ZNF547: variants seen among roughly 807,000 people sequenced by gnomAD.
ZNF547 encodes the protein zinc finger protein 547.
Under a neutral mutation model 7.7 loss-of-function variants are expected in ZNF547, and 4 were observed. The ratio of observed to expected loss-of-function variants is 0.52; its 90% CI spans 0.26 to 1.20. The LOEUF (loss-of-function observed/expected upper bound fraction) is 1.20. ZNF547 is among the 50% of genes most tolerant of loss of function. The pLI is 0.14. For synonymous variants in ZNF547, 166 were observed against 166.2 expected (o/e 1.00, Z 0.01); for missense variants, 449 against 485.8 (o/e 0.92, Z 0.71).
intron 2 of ZNF547, among the ~76,000 whole-genome samples, chr19:57,369,396 G>C (rs1239807638): frequency 6.6e-6 from 1 of 152,180 alleles, no homozygotes; most frequent in Non-Finnish European, 1.5e-5. Context: ...AATTTTCAGA[G>C]TGAGTGTGAG....
chr19:57,375,382 G>A (rs563398333), intron 3 of ZNF547, among the ~76,000 whole-genome samples: 336 of 151,130 alleles, frequency 2.2e-3, no homozygotes, highest in Middle Eastern at 3.4e-3. Flanking sequence ...CAGGCTTGGT[G>A]GCCCACTCCG....
chr19:57,364,769 C>A (rs1007857454), intron 1 of ZNF547: 1 of 1,382,184 alleles, frequency 7.2e-7, no homozygotes, highest in African/African-American at 1.4e-5. Flanking sequence ...CGGGTCTCTT[C>A]CGCGGAAACT....
rs61547238 is a variant in ZNF547, at chr19:57,369,899, C to CTTTTTTTTTTTTTTTTT, written c.24+1328_24+1344dup. ...AAAGAAGTTTAATTGACTCACAGTT[C>CTTTTTTTTTTTTTTTTT]TTTTTTTTTTTTTTTTTTTTTTTTG... On this transcript the variant is annotated intron_variant, in intron 2 of 3. Coordinates refer to ENST00000282282, the MANE Select transcript of ZNF547 (RefSeq NM_173631.4). 2.7e-3 allele frequency among the ~76,000 whole-genome samples: 140 copies of CTTTTTTTTTTTTTTTTT among 51,672 alleles called. 49 individuals carry two copies. Among genetic ancestry groups the CTTTTTTTTTTTTTTTTT allele is most frequent in the Non-Finnish European group, 3.4e-3 (102 of 29,900 alleles). 33.9% of individuals were successfully genotyped at this position (51,672 alleles called of 152,430 possible).
At chr19:57,365,509 CT>C (rs770884068) in intron 1 of ZNF547, among the ~76,000 whole-genome samples, 331 of 139,754 alleles carry the variant, frequency 2.4e-3, no homozygotes, top group East Asian at 8.5e-3. Flanking sequence ...TAATTTCTTT[CT>C]TTTTTTTTTT....
Position 57,365,317 on chromosome 19 carries a change from A to C in ZNF547, c.-13+1614A>C, listed in dbSNP as rs1043331. On this transcript the variant is annotated intron_variant, in intron 1 of 3. Transcript: ENST00000282282. Reference sequence around the variant, plus strand: ...ATGGTGTATACTCAGGAATGTGTACATTGTAAATTACTTGATTAAATAGCC... The same window carrying C: ...ATGGTGTATACTCAGGAATGTGTACCTTGTAAATTACTTGATTAAATAGCC... 11,651 of 1,126,640 alleles carry C rather than the reference A, an allele frequency of 0.01. 775 individuals are homozygous for C. The African/African-American group carries it at 0.15, about 15-fold the overall frequency. The allele number at this position is 1,126,640 out of a possible 1,614,324, so 69.8% of individuals were successfully genotyped here. A position where few individuals can be genotyped will look rare whatever the true frequency, so the allele number is the denominator to read the frequency against.
chr19:57,364,675 A>G, intron 1 of ZNF547: 1 of 650,128 alleles, frequency 1.5e-6, no homozygotes, highest in Non-Finnish European at 2.7e-6. Context: ...CAGGAGGTGG[A>G]GATTGCAGTG....
At chr19:57,376,764 A>G (rs545478632) in intron 3 of ZNF547, among the ~76,000 whole-genome samples, 1 of 152,188 alleles carries the variant, frequency 6.6e-6, no homozygotes, top group African/African-American at 2.4e-5. Context: ...CAGACCCCCA[A>G]TAAAATGTAT....
intron 2 of ZNF547, among the ~76,000 whole-genome samples, chr19:57,370,789 C>T (rs149829460): frequency 4.6e-3 from 697 of 152,188 alleles, no homozygotes; most frequent in Non-Finnish European, 7.7e-3. Flanking sequence ...GTGCTGGACA[C>T]GGTGGCCAAT....
intron 1 of ZNF547, among the ~76,000 whole-genome samples, chr19:57,366,816 C>T (rs2088473756): frequency 6.6e-6 from 1 of 152,188 alleles, no homozygotes; most frequent in Non-Finnish European, 1.5e-5. Context: ...AATGTCATAG[C>T]ACATACGTGG....
intron 2 of ZNF547, among the ~76,000 whole-genome samples, chr19:57,370,557 T>G (rs2088498430): frequency 6.6e-6 from 1 of 152,084 alleles, no homozygotes; most frequent in African/African-American, 2.4e-5. Context: ...GAGATGGGAT[T>G]GGAGTGCTGT....
intron 2 of ZNF547, chr19:57,371,161 A>C (rs1246797386): frequency 6.6e-6 from 1 of 152,370 alleles, no homozygotes; most frequent in African/African-American, 2.4e-5. Flanking sequence ...TGTGTTGGCC[A>C]GGCTGGTCTT....
chr19:57,377,592 C>T lies in ZNF547; in HGVS notation c.616C>T (p.His206Tyr). The T allele has an allele frequency of 6.2e-7, 1 of 1,614,244 alleles. No homozygotes were observed. The change falls in exon 4 of 4, where the codon CAC becomes TAC. Residue 206 changes from histidine (H) to tyrosine (Y), a missense_variant. Physicochemically the swap from His to Tyr is moderately conservative, Grantham distance 83 (BLOSUM62 2). Coordinates refer to ENST00000282282, the MANE Select transcript of ZNF547 (RefSeq NM_173631.4). ...RSTLNRHQRT[H>Y]TGERPYECNE... ...CACACTCAATAGACATCAGAGAACT[C>T]ACACTGGAGAAAGGCCTTATGAGTG... is the stretch of plus-strand genomic sequence containing the variant.
At position 57,378,273 on chromosome 19, in the gene ZNF547, CTG is replaced by C. The variant is rs1327689079; in HGVS notation, c.*89_*90del. 9 of 1,234,012 alleles carry C rather than the reference CTG, an allele frequency of 7.3e-6. No individual in the cohort carries two copies. Among genetic ancestry groups the C allele is most frequent in the Non-Finnish European group, 1.0e-5 (9 of 872,510 alleles). The allele number at this position is 1,234,012 out of a possible 1,614,324, so 76.4% of individuals were successfully genotyped here. The stretch of plus-strand genomic sequence containing the variant: ...GCAGGCAGTACACACTGGAGAAAGA[CTG>C]AATGCCGTGAACGTGGGTAATTATG... On this transcript the variant is annotated 3_prime_UTR_variant, in exon 4 of 4. Coordinates refer to ENST00000282282, the MANE Select transcript of ZNF547 (RefSeq NM_173631.4).
chr19:57,373,880 G>A (rs1428522839), intron 3 of ZNF547, among the ~76,000 whole-genome samples: 1 of 152,174 alleles, frequency 6.6e-6, no homozygotes, highest in African/African-American at 2.4e-5. Flanking sequence ...GCTTTCATGG[G>A]CTGGCATTGA....
Position 57,377,854 on chromosome 19 carries a change from A to G in ZNF547, c.878A>G (p.Lys293Arg). Residue 293 changes from lysine (K) to arginine (R), a missense_variant, in exon 4 of 4, where the codon AAA becomes AGA. Physicochemically the swap from Lys to Arg is conservative, Grantham distance 26 (BLOSUM62 2). Coordinates refer to ENST00000282282, the MANE Select transcript of ZNF547 (RefSeq NM_173631.4). The stretch of plus-strand genomic sequence containing the variant: ...AGGCATTACAGAATTCATACAGGAA[A>G]AAGGTCTTATGGTTGCAGTGAATGT... ...LFRHYRIHTG[K>R]RSYGCSECGK... The G allele has an allele frequency of 1.2e-6, 2 of 1,614,050 alleles. No individual in the cohort carries two copies. The highest frequency in any genetic ancestry group is 1.7e-6 in the Non-Finnish European group (2 of 1,180,002).
chr19:57,371,628 T>C (rs2088504836), intron 2 of ZNF547, 154 bp from the exon 3 acceptor site: 1 of 1,172,258 alleles, frequency 8.5e-7, no homozygotes, highest in Non-Finnish European at 1.2e-6. Flanking sequence ...GTTAAGAATA[T>C]GTGCCCAGGA....
intron 2 of ZNF547, 34 bp from the exon 3 acceptor site, chr19:57,371,748 G>T (rs757718914): frequency 6.3e-7 from 1 of 1,588,450 alleles, no homozygotes; most frequent in South Asian, 1.1e-5. Context: ...AGTTTGAAAA[G>T]CTGCTCATGT....
intron 1 of ZNF547, chr19:57,364,464 CGG>C: frequency 1.0e-4 from 23 of 219,066 alleles, no homozygotes; most frequent in South Asian, 5.2e-4. Flanking sequence ...AGAGGGTGGC[CGG>C]GCGTGGTGGC....
chr19:57,378,069 TC>T lies in ZNF547; in HGVS notation c.1096del (p.His366ThrfsTer68). ...SECGKAFLTKSHLICHQTVHT... is the reference protein window; with the variant it reads ...SECGKAFLTKXHLICHQTVHT... ...GTGTGGGAAGGCCTTCCTTACAAAG[TC>T]CCACCTCATTTGTCATCAGACAGTT... On this transcript the variant is annotated frameshift_variant, in exon 4 of 4. Transcript: ENST00000282282. LOFTEE classifies it low-confidence loss of function (END_TRUNC). 1 of 1,613,906 alleles carries T rather than the reference TC, an allele frequency of 6.2e-7. No individual in the cohort carries two copies. The highest frequency in any genetic ancestry group is 8.5e-7 in the Non-Finnish European group (1 of 1,179,980).
Sources: allele counts gnomAD v4.1 joint callset (sites outside exome capture counted in the v4.1 genomes callset), GRCh38; gene constraint gnomAD v4.1.1; transcripts MANE v1.5; gene names NCBI Gene and HGNC (gene_info 2026-07-23, HGNC 2026-07-21).